Variants in SSH2 observed in about 807,000 individuals in gnomAD.
SSH2 encodes protein phosphatase Slingshot homolog 2.
Under a neutral mutation model 135.2 loss-of-function variants are expected in SSH2, and 37 were observed. That is an observed-to-expected ratio of 0.27 (90% CI 0.21 to 0.36). The LOEUF (loss-of-function observed/expected upper bound fraction) is 0.36, where lower values mean the gene tolerates loss of function less well. SSH2 is among the 10% of genes least tolerant of loss of function. The pLI is 1.00. For synonymous variants in SSH2, 628 were observed against 646.2 expected, an observed-to-expected ratio of 0.97 and a Z score of 0.43; for missense variants, 1,408 against 1,765.3, an observed-to-expected ratio of 0.80 and a Z score of 3.63.
At chr17:29,773,386 A>AT (rs1686599211) in intron 3 of SSH2, among the ~76,000 whole-genome samples, 1 of 152,280 alleles carries the variant, frequency 6.6e-6, no homozygotes, top group East Asian at 1.9e-4. Context: ...GTTTAATTAC[A>AT]TTTTTTAAAA....
chr17:29,888,182 G>A lies in SSH2; in HGVS notation c.64-39253C>T, dbSNP rs112388710. ...GAGCCCAGAAGGTTGAGGCTGCAGT[G>A]AGCCATGATCATGCCACTGCATTCC... On this transcript the variant is annotated intron_variant, in intron 1 of 15. Coordinates refer to ENST00000540801, the MANE Select transcript of SSH2 (RefSeq NM_001282129.2). Among the ~76,000 whole-genome samples the A allele has an allele frequency of 4.4e-3, 677 of 152,216 alleles. 3 individuals carry two copies. Among genetic ancestry groups the A allele is most frequent in the Non-Finnish European group, 8.0e-3 (546 of 67,998 alleles).
chr17:29,844,998 G>A (rs1238388179), intron 2 of SSH2, among the ~76,000 whole-genome samples: 2 of 152,166 alleles, frequency 1.3e-5, no homozygotes, highest in East Asian at 3.8e-4. Context: ...AATTTGTGAA[G>A]TGTAGATTAT....
intron 3 of SSH2, among the ~76,000 whole-genome samples, chr17:29,764,659 A>G (rs2151262562): frequency 6.6e-6 from 1 of 152,374 alleles, no homozygotes. Flanking sequence ...AACATTTGAA[A>G]TTAGCTTTAT....
chr17:29,803,008 G>C (rs1456894929), intron 2 of SSH2, among the ~76,000 whole-genome samples: 1 of 152,110 alleles, frequency 6.6e-6, no homozygotes, highest in Admixed American at 6.6e-5. Context: ...TTCGAAACTG[G>C]AAGAGATAAT....
chr17:29,781,517 T>C (rs2041842097), intron 3 of SSH2, among the ~76,000 whole-genome samples: 1 of 139,964 alleles, frequency 7.1e-6, no homozygotes, highest in South Asian at 2.5e-4. Context: ...TCTCACTCCA[T>C]TGCCCGGGCT....
chr17:29,744,949 C>G (rs2040709471), intron 3 of SSH2, among the ~76,000 whole-genome samples: 1 of 150,844 alleles, frequency 6.6e-6, no homozygotes, highest in African/African-American at 2.4e-5. Context: ...TTAATGATTT[C>G]TGTTCTTGTG....
intron 3 of SSH2, chr17:29,777,794 A>G (rs1175106312): frequency 8.7e-5 from 2 of 22,868 alleles, no homozygotes; most frequent in African/African-American, 4.3e-4. Flanking sequence ...CCCAAACTAG[A>G]AAAAAAAAAA....
intron 1 of SSH2, among the ~76,000 whole-genome samples, chr17:29,889,043 TA>T (rs889019351): frequency 1.9e-4 from 29 of 149,558 alleles, no homozygotes; most frequent in Admixed American, 1.2e-3. Flanking sequence ...TTAGTTTTCT[TA>T]AAAAAAAATG....
At chr17:29,744,885 G>GTGTGTGTGTT (rs1555625862) in intron 3 of SSH2, among the ~76,000 whole-genome samples, 3,448 of 151,614 alleles carry the variant, frequency 0.023, 137 homozygotes, top group African/African-American at 0.078. Context: ...GTGTGTGTGT[G>GTGTGTGTGTT]TGTGTGTGTG....
At chr17:29,925,168 A>C (rs1317018161) in intron 1 of SSH2, 1 of 172,166 alleles carries the variant, frequency 5.8e-6, no homozygotes, top group Non-Finnish European at 1.2e-5. Context: ...AAACACACAC[A>C]CCCCAAAAAC....
rs533444151 is a variant in SSH2, at chr17:29,783,698, A to G, written c.188+10196T>C. Among the ~76,000 whole-genome samples, 322 of 152,252 alleles carry G rather than the reference A, an allele frequency of 2.1e-3. 1 individual carries two copies. The highest frequency in any genetic ancestry group is 7.6e-3 in the African/African-American group (317 of 41,536). On this transcript the variant is annotated intron_variant, in intron 3 of 15. Transcript: ENST00000540801. Reference sequence around the variant, plus strand: ...CTTCAATCCAATCAAGCTGACACTCAGTATTAACCATTACACCTGAAAAGG... The same window carrying G: ...CTTCAATCCAATCAAGCTGACACTCGGTATTAACCATTACACCTGAAAAGG...
At position 29,632,005 on chromosome 17, in the gene SSH2, G is replaced by A. The variant is rs760927353; in HGVS notation, c.3189C>T (p.Ser1063=). Residue 1063 remains serine (S), a synonymous_variant, in exon 16 of 16, where the codon AGC becomes AGT. Coordinates refer to ENST00000540801, the MANE Select transcript of SSH2 (RefSeq NM_001282129.2). ...PGSEIATSEK[S]GEQGLRKVNM... is the part of the protein sequence containing the mutation. ...TCACTTTCCTCAGCCCTTGCTCTCC[G>A]CTCTTCTCACTGGTGGCTATTTCAC... 8.7e-6 allele frequency: 14 copies of A among 1,614,032 alleles called. No individual in the cohort carries two copies. Among genetic ancestry groups the A allele is most frequent in the African/African-American group, 5.3e-5 (4 of 74,918 alleles).
chr17:29,699,470 A>C (rs2038893271), intron 4 of SSH2, among the ~76,000 whole-genome samples: 1 of 152,098 alleles, frequency 6.6e-6, no homozygotes, highest in African/African-American at 2.4e-5. Context: ...CTGAGTTTAT[A>C]CTCGCACTGC....
At chr17:29,927,992 C>T (rs760856266) in intron 1 of SSH2, among the ~76,000 whole-genome samples, 5 of 152,186 alleles carry the variant, frequency 3.3e-5, no homozygotes, top group African/African-American at 4.8e-5. Flanking sequence ...CAAGTGTACA[C>T]GGTCTTACTG....
rs113558474 is a variant in SSH2, at chr17:29,630,770, T to A, written c.*71A>T. On this transcript the variant is annotated 3_prime_UTR_variant, in exon 16 of 16. Coordinates refer to ENST00000540801, the MANE Select transcript of SSH2 (RefSeq NM_001282129.2). ...TTATAAAATTAACCAATAAAGTGCATGTTCCTTACATATTACACCTGCCCC... is the reference window on the plus strand; with the variant it reads ...TTATAAAATTAACCAATAAAGTGCAAGTTCCTTACATATTACACCTGCCCC... The A allele has an allele frequency of 7.0e-7, 1 of 1,426,716 alleles. No individual in the cohort carries two copies. Among genetic ancestry groups the A allele is most frequent in the Non-Finnish European group, 9.5e-7 (1 of 1,057,050 alleles). 88.4% of individuals were successfully genotyped at this position (1,426,716 alleles called of 1,614,324 possible).
chr17:29,885,203 T>TG (rs1234854535), intron 1 of SSH2, among the ~76,000 whole-genome samples: 1 of 152,134 alleles, frequency 6.6e-6, no homozygotes, highest in Non-Finnish European at 1.5e-5. Context: ...TATCCAAGTG[T>TG]CTCTGGCTTC....
At chr17:29,650,106 A>C (rs2036530513) in intron 13 of SSH2, among the ~76,000 whole-genome samples, 1 of 152,224 alleles carries the variant, frequency 6.6e-6, no homozygotes, top group African/African-American at 2.4e-5. Flanking sequence ...GGCAGTGTTG[A>C]CATTAATACC....
chr17:29,696,267 T>A (rs930744923), intron 4 of SSH2, among the ~76,000 whole-genome samples: 7 of 149,512 alleles, frequency 4.7e-5, no homozygotes, highest in Admixed American at 2.7e-4. Context: ...AATATATATA[T>A]ACACACACAC....
chr17:29,761,744 T>C (rs1056598975), intron 3 of SSH2, among the ~76,000 whole-genome samples: 1 of 152,038 alleles, frequency 6.6e-6, no homozygotes, highest in Admixed American at 6.6e-5. Flanking sequence ...TTTTGAAAGA[T>C]CTTAAAAAAT....
Sources: gnomAD v4.1 joint callset for allele counts (sites outside exome capture counted in the v4.1 genomes callset) on GRCh38, gnomAD v4.1.1 for gene constraint, MANE v1.5 for transcripts, NCBI Gene and HGNC (gene_info 2026-07-23, HGNC 2026-07-21) for gene names.